The following CCDC33 variants were observed in gnomAD, a reference collection of about 807,000 sequenced individuals.
The protein encoded by CCDC33 is coiled-coil domain-containing protein 33.
CCDC33 carries 94 observed loss-of-function variants against 91.9 expected under a neutral mutation model. That is an observed-to-expected ratio of 1.02 (90% CI 0.87 to 1.21). The LOEUF is 1.21. CCDC33 is among the 50% of genes most tolerant of loss of function. CCDC33 has a pLI of 0.00. For missense variants in CCDC33, 940 were observed against 935.5 expected (o/e 1.00, Z -0.06); for synonymous variants, 396 against 374.5 (o/e 1.06, Z -0.66).
At chr15:74,330,119 T>G in intron 11 of CCDC33, 70 bp from the exon 12 acceptor site, 1 of 1,501,400 alleles carries the variant, frequency 6.7e-7, no homozygotes, top group Non-Finnish European at 8.9e-7. Context: ...GACTTTCAAG[T>G]GTAGATGTGG....
intron 2 of CCDC33, among the ~76,000 whole-genome samples, chr15:74,250,251 T>C (rs935109608): frequency 6.6e-6 from 1 of 152,188 alleles, no homozygotes; most frequent in African/African-American, 2.4e-5. Flanking sequence ...CATTGGGTAC[T>C]GTGGTGCCAT....
At chr15:74,281,173 C>T (rs1243540573) in intron 9 of CCDC33, among the ~76,000 whole-genome samples, 4 of 152,232 alleles carry the variant, frequency 2.6e-5, no homozygotes, top group African/African-American at 9.6e-5. Flanking sequence ...CAAGAGTCCT[C>T]GTCTGTAACA....
chr15:74,238,292 C>T (rs1219455560), intron 1 of CCDC33, among the ~76,000 whole-genome samples: 2 of 151,776 alleles, frequency 1.3e-5, no homozygotes, highest in African/African-American at 4.8e-5. Flanking sequence ...CCTGTAATCC[C>T]AGCTACTCGG....
rs369719841 is a variant in CCDC33, at chr15:74,277,690, A to G, written c.760-2273A>G. ...CACCACTCCTGCCTGCACATGCACA[A>G]GACAGGCTGACCCTCCCTCCCCAGT... On this transcript the variant is annotated intron_variant, in intron 7 of 18. Coordinates refer to ENST00000398814, the MANE Select transcript of CCDC33 (RefSeq NM_025055.5). Among the ~76,000 whole-genome samples, 7 of 152,284 alleles carry G rather than the reference A, an allele frequency of 4.6e-5. No homozygotes were observed. The East Asian group carries it at 1.4e-3, about 29-fold the overall frequency.
chr15:74,260,784 C>T (rs1453044584), intron 2 of CCDC33, among the ~76,000 whole-genome samples: 1 of 152,166 alleles, frequency 6.6e-6, no homozygotes, highest in Non-Finnish European at 1.5e-5. Context: ...AAAATCACGC[C>T]ACGGCAAAGG....
intron 10 of CCDC33, among the ~76,000 whole-genome samples, chr15:74,288,256 C>G (rs548679111): frequency 4.1e-4 from 62 of 152,348 alleles, no homozygotes; most frequent in African/African-American, 1.5e-3. Flanking sequence ...CCAGAGAAGT[C>G]AGGGCCTGTC....
At position 74,244,100 on chromosome 15, in the gene CCDC33, A is replaced by G. The variant is rs1456542011; in HGVS notation, c.137A>G (p.Asn46Ser). The G allele has an allele frequency of 1.2e-6, 2 of 1,613,762 alleles. No homozygotes were observed. The highest frequency in any genetic ancestry group is 3.3e-5 in the Admixed American group (2 of 60,000). ...TIMVTLHGAT[N>S]LPACKDGSEP... is the part of the protein sequence containing the mutation. ...ATGGTCACCCTCCATGGGGCTACCA[A>G]CCTGCCTGCCTGCAAGGATGGCTCC... is the stretch of plus-strand genomic sequence containing the variant. The change falls in exon 2 of 19, where the codon AAC (asparagine) becomes AGC (serine). Residue 46 changes from asparagine to serine, a missense_variant. Asn to Ser is a conservative substitution (Grantham distance 46, BLOSUM62 1). Transcript: ENST00000398814. The surrounding 1 kb of genome is among the most constrained non-coding windows in gnomAD (Gnocchi z 4.2).
At chr15:74,277,425 G>A (rs1045306420) in intron 7 of CCDC33, among the ~76,000 whole-genome samples, 2 of 152,226 alleles carry the variant, frequency 1.3e-5, no homozygotes, top group Non-Finnish European at 2.9e-5. Flanking sequence ...AGGGGCCATG[G>A]AATGAAGGCT....
intron 2 of CCDC33, among the ~76,000 whole-genome samples, chr15:74,248,321 A>T (rs980279451): frequency 2.5e-4 from 38 of 151,114 alleles, no homozygotes; most frequent in African/African-American, 9.2e-4. Flanking sequence ...TATATATTAT[A>T]TATATTATAT....
At chr15:74,209,358 C>T in intron 1 of CCDC33, 1 of 1,534,868 alleles carries the variant, frequency 6.5e-7, no homozygotes, top group South Asian at 1.2e-5. Flanking sequence ...CCCCTACTTA[C>T]CTCCATTTGT....
rs764455957 is a variant in CCDC33 at position 74,333,846 on chromosome 15, C to A, written c.1939-35C>A. The A allele has an allele frequency of 1.9e-6, 3 of 1,573,682 alleles. No individual in the cohort carries two copies. In the Admixed American group the frequency reaches 5.0e-5, roughly 26 times the overall value. ...AAGCTCACACTGCCACAGCCTCCAG[C>A]TGGGGCCAAATGTGAGTTTGTGCTT... On this transcript the variant is annotated intron_variant, in intron 16 of 18. Coordinates refer to ENST00000398814, the MANE Select transcript of CCDC33 (RefSeq NM_025055.5).
chr15:74,333,884 C>T lies in CCDC33; in HGVS notation c.1942C>T (p.Leu648Phe), dbSNP rs371841800. The T allele has an allele frequency of 6.2e-7, 1 of 1,612,920 alleles. No homozygotes were observed. The highest frequency in any genetic ancestry group is 8.5e-7 in the Non-Finnish European group (1 of 1,179,244). ...IILQQQALPD[L>F]LSGTSDKFNL... is the part of the protein sequence containing the mutation. The stretch of plus-strand genomic sequence containing the variant: ...TGAGTTTGTGCTTTGCCCACAGGAT[C>T]TCCTCTCTGGTACTTCAGACAAGTT... Residue 648 changes from leucine (L) to phenylalanine (F), a missense_variant, in exon 17 of 19, where the codon CTC (leucine) becomes TTC (phenylalanine). Coordinates refer to ENST00000398814, the MANE Select transcript of CCDC33 (RefSeq NM_025055.5).
At chr15:74,238,937 C>G (rs867084618) in intron 1 of CCDC33, among the ~76,000 whole-genome samples, 21 of 152,338 alleles carry the variant, frequency 1.4e-4, no homozygotes, top group African/African-American at 3.6e-4. Context: ...TTTACTTTCT[C>G]TGAGTGTGCT....
chr15:74,270,481 AC>A (rs1156289247), intron 5 of CCDC33, among the ~76,000 whole-genome samples: 2 of 152,236 alleles, frequency 1.3e-5, no homozygotes, highest in Middle Eastern at 3.4e-3. Context: ...GAATAACGTG[AC>A]CCAGTTCATT....
chr15:74,336,022 A>G lies in CCDC33; in HGVS notation c.2237A>G (p.Gln746Arg). ...AAGCTCAACAAGCCCTTGAGCCCCC[A>G]GAAGGAGACCGCTAACTCTCAGCAG... is the stretch of plus-strand genomic sequence containing the variant. Reference protein sequence around the residue: ...DSKLNKPLSPQKETANSQQT With the variant: ...DSKLNKPLSPRKETANSQQT The change falls in exon 19 of 19, where the codon CAG becomes CGG. Residue 746 changes from glutamine to arginine, a missense_variant. Coordinates refer to ENST00000398814, the MANE Select transcript of CCDC33 (RefSeq NM_025055.5). The G allele has an allele frequency of 6.2e-7, 1 of 1,613,994 alleles. No homozygotes were observed. The highest frequency in any genetic ancestry group is 8.5e-7 in the Non-Finnish European group (1 of 1,180,006).
Position 74,280,905 on chromosome 15 carries a change from C to T in CCDC33, c.1023+104C>T, listed in dbSNP as rs545064419. On this transcript the variant is annotated intron_variant, in intron 9 of 18. Transcript: ENST00000398814. ...ACCTCCATAGGAGAATTTGGCTTCTCCAGAAGCTTCTGTCAAGGCACCCAC... is the reference window on the plus strand; with the variant it reads ...ACCTCCATAGGAGAATTTGGCTTCTTCAGAAGCTTCTGTCAAGGCACCCAC... The T allele has an allele frequency of 2.4e-3, 2,791 of 1,179,156 alleles. 4 individuals are homozygous for T. Among genetic ancestry groups the T allele is most frequent in the Middle Eastern group, 4.0e-3 (15 of 3,778 alleles). The allele number at this position is 1,179,156 out of a possible 1,614,324, so 73.0% of individuals were successfully genotyped here.
At chr15:74,229,401 G>A (rs1487397227) in intron 2 of CCDC33, among the ~76,000 whole-genome samples, 1 of 152,170 alleles carries the variant, frequency 6.6e-6, no homozygotes, top group Admixed American at 6.5e-5. Flanking sequence ...GCCAAGGCGG[G>A]GGAATCGCTT....
chr15:74,309,589 G>A (rs1036772259), intron 11 of CCDC33, among the ~76,000 whole-genome samples: 17 of 152,130 alleles, frequency 1.1e-4, no homozygotes, highest in African/African-American at 3.6e-4. Flanking sequence ...CGGCTTCTGT[G>A]AGCCATGAAG....
chr15:74,313,626 G>A (rs1392106002), intron 11 of CCDC33, among the ~76,000 whole-genome samples: 2 of 151,838 alleles, frequency 1.3e-5, no homozygotes, highest in East Asian at 1.9e-4. Flanking sequence ...CGCCATATTG[G>A]CCAGGATGGT....
Sources: gnomAD v4.1 joint callset for allele counts (sites outside exome capture counted in the v4.1 genomes callset) on GRCh38, gnomAD v4.1.1 for gene constraint, Gnocchi (gnomAD v3.1) non-coding constraint, MANE v1.5 for transcripts, NCBI Gene and HGNC (gene_info 2026-07-23, HGNC 2026-07-21) for gene names.